Variants in ZNF365 observed in about 807,000 individuals in gnomAD.
The protein encoded by ZNF365 is zinc finger protein 365.
In ZNF365, 22 loss-of-function variants were observed where a neutral mutation model predicts 35.0. The observed-to-expected ratio is 0.63, with a 90% confidence interval of 0.45 to 0.90. ZNF365 has a LOEUF of 0.90. ZNF365 is among the 40% of genes least tolerant of loss of function. ZNF365 has a pLI of 0.00. For missense variants in ZNF365, 448 were observed against 500.3 expected (o/e 0.90, Z 1.00); for synonymous variants, 188 against 196.2 (o/e 0.96, Z 0.35).
chr10:62,376,133 AGT>A, intron 1 of ZNF365, 46 bp from the exon 2 acceptor site: 1 of 1,574,088 alleles, frequency 6.4e-7, no homozygotes, highest in Non-Finnish European at 8.7e-7. Flanking sequence ...TCATTTTAGT[AGT>A]GTGTTTTTCA....
chr10:62,422,202 A>T (rs1840179847), intron 3 of ZNF365, among the ~76,000 whole-genome samples: 1 of 152,098 alleles, frequency 6.6e-6, no homozygotes, highest in Admixed American at 6.5e-5. Context: ...TGGGAGAAAC[A>T]CCCCATGAAA....
intron 2 of ZNF365, among the ~76,000 whole-genome samples, chr10:62,379,205 G>C (rs1839389513): frequency 6.6e-6 from 1 of 151,904 alleles, no homozygotes; most frequent in Non-Finnish European, 1.5e-5. Flanking sequence ...TGTATTTTTA[G>C]TAGAGACGGG....
chr10:62,375,069 T>C (rs1434226417), intron 1 of ZNF365, among the ~76,000 whole-genome samples: 1 of 152,098 alleles, frequency 6.6e-6, no homozygotes, highest in African/African-American at 2.4e-5. Flanking sequence ...TTGAGGACAC[T>C]TTTCACCCAA....
At position 62,401,790 on chromosome 10, in the gene ZNF365, A is replaced by G; in HGVS notation, c.*2001A>G. 2 of 985,490 alleles carry G rather than the reference A, an allele frequency of 2.0e-6. No individual in the cohort carries two copies. Among genetic ancestry groups the G allele is most frequent in the Non-Finnish European group, 2.4e-6 (2 of 829,914 alleles). 61.0% of individuals were successfully genotyped at this position (985,490 alleles called of 1,614,324 possible). On this transcript the variant is annotated 3_prime_UTR_variant, in exon 5 of 5. Coordinates refer to ENST00000395254, the MANE Select transcript of ZNF365 (RefSeq NM_014951.3). Reference sequence around the variant, plus strand: ...AAAGTAACTGACATTTTGGATTTTCATCTAACATAGAGGGCATGGCAACTC... The same window carrying G: ...AAAGTAACTGACATTTTGGATTTTCGTCTAACATAGAGGGCATGGCAACTC...
intron 4 of ZNF365, among the ~76,000 whole-genome samples, chr10:62,463,344 C>T (rs1302434951): frequency 1.3e-5 from 2 of 152,326 alleles, no homozygotes; most frequent in African/African-American, 4.8e-5. Flanking sequence ...CCCTGGACCT[C>T]ACTTATTTGG....
intron 4 of ZNF365, among the ~76,000 whole-genome samples, chr10:62,479,353 C>T (rs1841184037): frequency 6.6e-6 from 1 of 152,188 alleles, no homozygotes; most frequent in African/African-American, 2.4e-5. Context: ...AAGACAACTA[C>T]AGTTATACTG....
chr10:62,431,186 C>A (rs1204105825), intron 3 of ZNF365, among the ~76,000 whole-genome samples: 1 of 152,198 alleles, frequency 6.6e-6, no homozygotes, highest in African/African-American at 2.4e-5. Context: ...TGGCCAACAG[C>A]CCTAGAAGTA....
chr10:62,402,367 C>T lies in ZNF365; in HGVS notation c.*2578C>T. ...TATTCTGCAGGGCCAGTCAGTTGTA[C>T]AGAAGTTGGAATATTCTGTTCCAGA... On this transcript the variant is annotated 3_prime_UTR_variant, in exon 5 of 5. Transcript: ENST00000395254. 1.0e-6 allele frequency: 1 copy of T among 985,456 alleles called. No individual in the cohort carries two copies. 61.0% of individuals were successfully genotyped at this position (985,456 alleles called of 1,614,324 possible).
At chr10:62,415,057 A>G (rs1840051817) in intron 3 of ZNF365, among the ~76,000 whole-genome samples, 1 of 146,714 alleles carries the variant, frequency 6.8e-6, no homozygotes, top group African/African-American at 2.5e-5. Context: ...TCTCTGAGAA[A>G]TTCCTCATTT....
At chr10:62,415,672 A>G (rs539289782) in intron 3 of ZNF365, among the ~76,000 whole-genome samples, 12 of 152,212 alleles carry the variant, frequency 7.9e-5, no homozygotes, top group Non-Finnish European at 1.3e-4. Context: ...TAACTTTTCA[A>G]TCTCCTGCCC....
In ZNF365 at chr10:62,400,052, A is replaced by C. The variant is rs1839800748; in HGVS notation, c.*263A>C. On this transcript the variant is annotated 3_prime_UTR_variant, in exon 5 of 5. Transcript: ENST00000395254. ...AATCAATCTTAAAGCTCTAACTTCT[A>C]AAGTAACTGGCCCAGTCTCCAGTAA... is the stretch of plus-strand genomic sequence containing the variant. The C allele has an allele frequency of 8.3e-7, 1 of 1,200,030 alleles. No individual in the cohort carries two copies. The highest frequency in any genetic ancestry group is 1.0e-6 in the Non-Finnish European group (1 of 964,244). The allele number at this position is 1,200,030 out of a possible 1,614,324, so 74.3% of individuals were successfully genotyped here.
intron 3 of ZNF365, among the ~76,000 whole-genome samples, chr10:62,408,730 A>G (rs979022241): frequency 1.3e-5 from 2 of 152,152 alleles, no homozygotes; most frequent in Non-Finnish European, 2.9e-5. Flanking sequence ...GTTATGAATT[A>G]ACCAATACTT....
At chr10:62,419,425 G>A (rs1251021009) in intron 3 of ZNF365, among the ~76,000 whole-genome samples, 1 of 150,174 alleles carries the variant, frequency 6.7e-6, no homozygotes, top group African/African-American at 2.5e-5. Flanking sequence ...CAGCTATCTA[G>A]AAGACTTAGA....
At chr10:62,456,618 A>C (rs1227668489) in intron 3 of ZNF365, among the ~76,000 whole-genome samples, 2 of 152,254 alleles carry the variant, frequency 1.3e-5, no homozygotes, top group African/African-American at 2.4e-5. Context: ...GCATTAGACC[A>C]GGCTAAATTG....
At chr10:62,429,896 C>G (rs1227577598) in intron 3 of ZNF365, among the ~76,000 whole-genome samples, 9 of 152,138 alleles carry the variant, frequency 5.9e-5, no homozygotes, top group Non-Finnish European at 1.2e-4. Context: ...GAAACTTATT[C>G]AGGTTCAATC....
chr10:62,437,399 G>A (rs114703519), intron 3 of ZNF365, among the ~76,000 whole-genome samples: 1 of 152,132 alleles, frequency 6.6e-6, no homozygotes, highest in Non-Finnish European at 1.5e-5. Flanking sequence ...GAAATTCTAC[G>A]CACGTCATAG....
chr10:62,411,958 C>A (rs182250536), intron 3 of ZNF365, among the ~76,000 whole-genome samples: 143 of 151,864 alleles, frequency 9.4e-4, no homozygotes, highest in Non-Finnish European at 1.8e-3. Context: ...ACCAAACAAA[C>A]CCCAAAACTA....
In ZNF365 at chr10:62,401,497, G is replaced by A. The variant is rs1839828792; in HGVS notation, c.*1708G>A. On this transcript the variant is annotated 3_prime_UTR_variant, in exon 5 of 5. Coordinates refer to ENST00000395254, the MANE Select transcript of ZNF365 (RefSeq NM_014951.3). ...TGACTTTCAGTTTATGGGGGGGGTA[G>A]ATCATTCATGTGATATATAAGCAGC... 2.1e-5 allele frequency: 21 copies of A among 985,244 alleles called. No individual in the cohort carries two copies. Among genetic ancestry groups the A allele is most frequent in the Non-Finnish European group, 2.4e-5 (20 of 829,894 alleles). 61.0% of individuals were successfully genotyped at this position (985,244 alleles called of 1,614,324 possible).
At chr10:62,386,740 A>G (rs1454703213) in intron 2 of ZNF365, among the ~76,000 whole-genome samples, 2 of 152,220 alleles carry the variant, frequency 1.3e-5, no homozygotes, top group Admixed American at 1.3e-4. Flanking sequence ...CAAAGATCTT[A>G]TGTAAAACTC....
Sources: gnomAD v4.1 joint callset for allele counts (sites outside exome capture counted in the v4.1 genomes callset) on GRCh38, gnomAD v4.1.1 for gene constraint, MANE v1.5 for transcripts, NCBI Gene and HGNC (gene_info 2026-07-23, HGNC 2026-07-21) for gene names.